PRDX3: variants seen among roughly 807,000 people sequenced by gnomAD.
The protein encoded by PRDX3 is peroxiredoxin 3.
Under a neutral mutation model 30.4 loss-of-function variants are expected in PRDX3, and 20 were observed. That is an observed-to-expected ratio of 0.66 (90% confidence interval 0.46 to 0.96). PRDX3 has a LOEUF of 0.96. Among genes scored for constraint, PRDX3 ranks in the 40% least tolerant of loss-of-function variants. The pLI is 0.00. For missense variants in PRDX3, 322 were observed against 318.3 expected (o/e 1.01, Z -0.09); for synonymous variants, 124 against 117.8 (o/e 1.05, Z -0.34).
chr10:119,174,938 TGACAAGAAAAAAA>T (rs1464165106), intron 2 of PRDX3, among the ~76,000 whole-genome samples: 2 of 4,866 alleles, frequency 4.1e-4, no homozygotes, highest in Non-Finnish European at 9.5e-4. Flanking sequence ...GTTTAGGGAA[TGACAAGAAAAAAA>T]GACTTTGTGT....
chr10:119,177,170 T>TA lies in PRDX3; in HGVS notation c.37-18_37-17insT. 16 of 1,611,956 alleles carry TA rather than the reference T, an allele frequency of 9.9e-6. No individual in the cohort carries two copies. Among genetic ancestry groups the TA allele is most frequent in the Non-Finnish European group, 1.4e-5 (16 of 1,179,644 alleles). ...TCGGGCAACCTGGAAAGAGAAACTT[T>TA]TTATTAGAAAGTTTTCCTGGACTGG... On this transcript the variant is annotated splice_polypyrimidine_tract_variant and intron_variant, in intron 1 of 6. Coordinates refer to ENST00000298510, the MANE Select transcript of PRDX3 (RefSeq NM_006793.5).
At position 119,177,155 on chromosome 10, in the gene PRDX3, T is replaced by C. The variant is rs1368897658; in HGVS notation, c.37-2A>G. 1.2e-6 allele frequency: 2 copies of C among 1,612,746 alleles called. No individual in the cohort carries two copies. Among genetic ancestry groups the C allele is most frequent in the Non-Finnish European group, 1.7e-6 (2 of 1,179,798 alleles). On this transcript the variant is annotated splice_acceptor_variant, in intron 1 of 6. Transcript: ENST00000298510. LOFTEE classifies it high-confidence loss of function. Reference sequence around the variant, plus strand: ...AATGGCACTCACATGTCGGGCAACCTGGAAAGAGAAACTTTTTATTAGAAA... The same window carrying C: ...AATGGCACTCACATGTCGGGCAACCCGGAAAGAGAAACTTTTTATTAGAAA...
In PRDX3 at chr10:119,168,376, A is replaced by T. The variant is rs1276598683; in HGVS notation, c.*104T>A. On this transcript the variant is annotated 3_prime_UTR_variant, in exon 7 of 7. Coordinates refer to ENST00000298510, the MANE Select transcript of PRDX3 (RefSeq NM_006793.5). ...AGTAATACTTATGAATACAAGCATA[A>T]TTGGTTCCTTGCCTTCTACAAATAA... 1.3e-6 allele frequency: 2 copies of T among 1,570,362 alleles called. No individual in the cohort carries two copies. The highest frequency in any genetic ancestry group is 1.7e-6 in the Non-Finnish European group (2 of 1,164,186).
In PRDX3 at chr10:119,169,324, G is replaced by T; in HGVS notation, c.570C>A (p.Asp190Glu). 3 of 1,613,956 alleles carry T rather than the reference G, an allele frequency of 1.9e-6. No individual in the cohort carries two copies. Among genetic ancestry groups the T allele is most frequent in the Non-Finnish European group, 2.5e-6 (3 of 1,179,946 alleles). The change falls in exon 6 of 7, where the codon GAC (aspartate) becomes GAA (glutamate). Residue 190 changes from aspartate to glutamate, a missense_variant. Transcript: ENST00000298510. ...TCAAATGCTTGATGACTCCATTGGG[G>T]TCAATTATGAAGAGACCTCTGCATG... ...GLALRGLFIIDPNGVIKHLSV... is the reference protein window; with the variant it reads ...GLALRGLFIIEPNGVIKHLSV...
In PRDX3 at chr10:119,172,500, A is replaced by G; in HGVS notation, c.448-15T>C. On this transcript the variant is annotated splice_polypyrimidine_tract_variant and intron_variant, in intron 4 of 6. Transcript: ENST00000298510. Reference sequence around the variant, plus strand: ...AAACCACCATTCTAATCAAAATGCAAACATGACTGTTAGAATGTGTGGCCT... The same window carrying G: ...AAACCACCATTCTAATCAAAATGCAGACATGACTGTTAGAATGTGTGGCCT... 1 of 1,596,058 alleles carries G rather than the reference A, an allele frequency of 6.3e-7. No homozygotes were observed. The highest frequency in any genetic ancestry group is 1.3e-5 in the African/African-American group (1 of 74,654).
Position 119,172,437 on chromosome 10 carries a change from T to A in PRDX3, c.496A>T (p.Lys166Ter), listed in dbSNP as rs1847927196. 6.2e-7 allele frequency: 1 copy of A among 1,614,176 alleles called. No homozygotes were observed. Among genetic ancestry groups the A allele is most frequent in the Non-Finnish European group, 8.5e-7 (1 of 1,179,992 alleles). ...ACACCGTAGTCTCGGGAAATCTGCT[T>A]AGTTAAGTCTGACAAGAGTGCGATG... is the stretch of plus-strand genomic sequence containing the variant. ...MNIALLSDLTKQISRDYGVLL... is the reference protein window; with the variant it reads ...MNIALLSDLT The change falls in exon 5 of 7, where the codon AAG (lysine) becomes TAG (stop). Residue 166 changes from lysine to a stop codon, truncating the protein, a stop_gained. Coordinates refer to ENST00000298510, the MANE Select transcript of PRDX3 (RefSeq NM_006793.5). LOFTEE classifies it high-confidence loss of function.
chr10:119,177,725 C>T (rs1259930729), intron 1 of PRDX3, among the ~76,000 whole-genome samples: 1 of 148,860 alleles, frequency 6.7e-6, no homozygotes, highest in Non-Finnish European at 1.5e-5. Flanking sequence ...GGGACTTGTG[C>T]AGGCTTTTCC....
chr10:119,178,810 C>T lies in PRDX3; in HGVS notation c.-20G>A, dbSNP rs1490856862. 8 of 1,551,074 alleles carry T rather than the reference C, an allele frequency of 5.2e-6. No homozygotes were observed. The highest frequency in any genetic ancestry group is 6.1e-6 in the Non-Finnish European group (7 of 1,147,478). On this transcript the variant is annotated 5_prime_UTR_variant, in exon 1 of 7. Coordinates refer to ENST00000298510, the MANE Select transcript of PRDX3 (RefSeq NM_006793.5). ...CGCCATCTTCAGTGCACTCGGGCGC[C>T]ACGGGGCGGGCAGAGACGCAGGGGC...
intron 6 of PRDX3, 72 bp from the exon 7 acceptor site, chr10:119,168,605 C>A: frequency 6.3e-7 from 1 of 1,576,770 alleles, no homozygotes; most frequent in East Asian, 2.3e-5. Flanking sequence ...GAGTGGCAAT[C>A]TCCCAATTTT....
chr10:119,173,642 C>T (rs1847962083), intron 4 of PRDX3, 95 bp downstream of exon 4: 14 of 1,389,142 alleles, frequency 1.0e-5, no homozygotes, highest in Middle Eastern at 2.6e-4. Flanking sequence ...CCAACCCTTG[C>T]GTAATTTGAT....
intron 6 of PRDX3, among the ~76,000 whole-genome samples, chr10:119,168,845 G>A (rs1564835590): frequency 6.6e-6 from 1 of 151,968 alleles, no homozygotes; most frequent in African/African-American, 2.4e-5. Flanking sequence ...GGTGGTGGGC[G>A]CCCTGTAGTC....
At position 119,175,518 on chromosome 10, in the gene PRDX3, C is replaced by A. The variant is rs139001562; in HGVS notation, c.170-926G>T. Reference sequence around the variant, plus strand: ...TCACGCCATTCTCCGGCCTCAGCCTCCCGAGTAGCTGGGACCACAGGCGCC... The same window carrying A: ...TCACGCCATTCTCCGGCCTCAGCCTACCGAGTAGCTGGGACCACAGGCGCC... On this transcript the variant is annotated intron_variant, in intron 2 of 6. Transcript: ENST00000298510. 6.4e-4 allele frequency among the ~76,000 whole-genome samples: 97 copies of A among 152,312 alleles called. 3 individuals carry two copies. The East Asian group carries it at 0.017, about 27-fold the overall frequency.
chr10:119,176,702 A>C (rs1848035397), intron 2 of PRDX3, among the ~76,000 whole-genome samples: 1 of 152,170 alleles, frequency 6.6e-6, no homozygotes. Flanking sequence ...CTTCAGACAC[A>C]CTAGACTCAG....
intron 5 of PRDX3, chr10:119,169,724 GAGAC>G (rs1471467767): frequency 1.3e-5 from 2 of 157,402 alleles, no homozygotes; most frequent in African/African-American, 4.8e-5. Context: ...CAAATGGGAA[GAGAC>G]AGAGGTGTAT....
rs781233312 is a variant in PRDX3, at chr10:119,177,013, A to G, written c.169+8T>C. Reference sequence around the variant, plus strand: ...CTGGCTCCAGCCAAGACATGACATAACACTTACTGGTGCTGAATAATTTTG... The same window carrying G: ...CTGGCTCCAGCCAAGACATGACATAGCACTTACTGGTGCTGAATAATTTTG... On this transcript the variant is annotated splice_region_variant and intron_variant, in intron 2 of 6. Coordinates refer to ENST00000298510, the MANE Select transcript of PRDX3 (RefSeq NM_006793.5). 1 of 1,614,016 alleles carries G rather than the reference A, an allele frequency of 6.2e-7. No homozygotes were observed. The highest frequency in any genetic ancestry group is 1.1e-5 in the South Asian group (1 of 91,078).
intron 1 of PRDX3, 119 bp from the exon 2 acceptor site, chr10:119,177,272 C>T: frequency 1.0e-6 from 1 of 974,378 alleles, no homozygotes; most frequent in Non-Finnish European, 1.6e-6. Flanking sequence ...TAGCAAACCC[C>T]AAACTCTAAG....
intron 5 of PRDX3, chr10:119,170,818 C>T (rs1253944850): frequency 6.6e-6 from 1 of 151,328 alleles, no homozygotes; most frequent in African/African-American, 2.4e-5. Context: ...CTGCTTGAAC[C>T]CGGGAGGTGG....
chr10:119,173,717 C>T lies in PRDX3; in HGVS notation c.447+20G>A. 6.2e-7 allele frequency: 1 copy of T among 1,607,580 alleles called. No homozygotes were observed. The highest frequency in any genetic ancestry group is 8.5e-7 in the Non-Finnish European group (1 of 1,178,194). ...CCAAGCAAGTTTATAAGAGCAAAAGCTAGGGGTACAATGCCATACCTTTCT... is the reference window on the plus strand; with the variant it reads ...CCAAGCAAGTTTATAAGAGCAAAAGTTAGGGGTACAATGCCATACCTTTCT... On this transcript the variant is annotated intron_variant, in intron 4 of 6. Coordinates refer to ENST00000298510, the MANE Select transcript of PRDX3 (RefSeq NM_006793.5).
intron 4 of PRDX3, among the ~76,000 whole-genome samples, chr10:119,173,476 A>G (rs1437456625): frequency 6.6e-6 from 1 of 151,920 alleles, no homozygotes; most frequent in Non-Finnish European, 1.5e-5. Context: ...AGGGGTGGTG[A>G]CACATGCCTG....
Sources: allele counts gnomAD v4.1 joint callset (sites outside exome capture counted in the v4.1 genomes callset), GRCh38; gene constraint gnomAD v4.1.1; transcripts MANE v1.5; gene names NCBI Gene and HGNC (gene_info 2026-07-23, HGNC 2026-07-21).